The following TMEM131L variants were observed in gnomAD, a reference collection of about 807,000 sequenced individuals.
TMEM131L encodes the protein transmembrane 131 like, also known as transmembrane protein 131-like.
In TMEM131L, 54 loss-of-function variants were observed where a neutral mutation model predicts 192.2. The ratio of observed to expected loss-of-function variants is 0.28; its 90% CI spans 0.23 to 0.35. The LOEUF is 0.35. Ranked by LOEUF, TMEM131L falls within the 10% of genes least tolerant of loss-of-function variation. The probability of loss-of-function intolerance (pLI) is 1.00; values close to 1 mark genes in which losing one functional copy is unlikely to be tolerated. For synonymous variants in TMEM131L, 701 were observed against 704.9 expected (o/e 0.99, Z 0.09); for missense variants, 1,888 against 1,972.9 (o/e 0.96, Z 0.82).
intron 2 of TMEM131L, among the ~76,000 whole-genome samples, chr4:153,469,749 A>G (rs1008567254): frequency 2.6e-5 from 4 of 152,104 alleles, no homozygotes; most frequent in African/African-American, 9.7e-5. Context: ...CAACATGGAC[A>G]AACTCTGTCT....
Position 153,621,693 on chromosome 4 carries a change from C to G in TMEM131L, c.3703C>G (p.Gln1235Glu). 1 of 1,614,012 alleles carries G rather than the reference C, an allele frequency of 6.2e-7. No individual in the cohort carries two copies. Among genetic ancestry groups the G allele is most frequent in the Non-Finnish European group, 8.5e-7 (1 of 1,180,000 alleles). ...GTGTGTCTTTTCCAGGCCTCCTGAA[C>G]AGAGTGATCTAAAGCTTGTGTGCAG... Reference protein sequence around the residue: ...GVAPVSRPPEQSDLKLVCSDF... With the variant: ...GVAPVSRPPEESDLKLVCSDF... The change falls in exon 28 of 35, where the codon CAG becomes GAG. Residue 1235 changes from glutamine to glutamate, a missense_variant. Physicochemically the swap from Gln to Glu is conservative, Grantham distance 29. Transcript: ENST00000409959.
chr4:153,607,422 G>A (rs1168664401), intron 25 of TMEM131L, among the ~76,000 whole-genome samples: 2 of 152,158 alleles, frequency 1.3e-5, no homozygotes, highest in Non-Finnish European at 2.9e-5. Context: ...TCTTTGAGCT[G>A]GACTCAACCT....
At chr4:153,624,564 T>G (rs1733697536) in intron 29 of TMEM131L, among the ~76,000 whole-genome samples, 1 of 152,250 alleles carries the variant, frequency 6.6e-6, no homozygotes, top group Non-Finnish European at 1.5e-5. Context: ...TATGGCACCT[T>G]GCATTTGTCA....
chr4:153,620,553 C>A lies in TMEM131L; in HGVS notation c.3568-203C>A, dbSNP rs74289501. On this transcript the variant is annotated intron_variant, in intron 26 of 34. Coordinates refer to ENST00000409959, the MANE Select transcript of TMEM131L (RefSeq NM_001131007.2). Reference sequence around the variant, plus strand: ...CTTAGGAATTTTATAGGCAACAATTCTTTTTTCTTCTTTTTCTGTGGAGCT... The same window carrying A: ...CTTAGGAATTTTATAGGCAACAATTATTTTTTCTTCTTTTTCTGTGGAGCT... 2.8e-3 allele frequency among the ~76,000 whole-genome samples: 420 copies of A among 152,262 alleles called. 11 individuals are homozygous for A. In the East Asian group the frequency reaches 0.048, roughly 17 times the overall value.
chr4:153,470,911 A>C, intron 2 of TMEM131L, among the ~76,000 whole-genome samples: 1 of 149,392 alleles, frequency 6.7e-6, no homozygotes, highest in Non-Finnish European at 1.5e-5. Context: ...GTCCTTCCTG[A>C]CTCCTGCCCT....
intron 32 of TMEM131L, among the ~76,000 whole-genome samples, chr4:153,633,925 C>G (rs1404286606): frequency 2.0e-5 from 3 of 152,214 alleles, no homozygotes; most frequent in African/African-American, 7.2e-5. Flanking sequence ...AGCCACGGCT[C>G]TCTATTCTGT....
At chr4:153,582,933 C>T (rs1156432969) in intron 9 of TMEM131L, among the ~76,000 whole-genome samples, 1 of 151,756 alleles carries the variant, frequency 6.6e-6, no homozygotes. Flanking sequence ...GAATTTTGCT[C>T]CTGGTAGTTC....
intron 31 of TMEM131L, among the ~76,000 whole-genome samples, chr4:153,629,406 G>T (rs1287696629): frequency 6.6e-6 from 1 of 152,154 alleles, no homozygotes; most frequent in Non-Finnish European, 1.5e-5. Flanking sequence ...GGGTATTACT[G>T]CAGATTTCCC....
chr4:153,512,815 T>A (rs1004446589), intron 3 of TMEM131L, among the ~76,000 whole-genome samples: 2 of 152,204 alleles, frequency 1.3e-5, no homozygotes, highest in Non-Finnish European at 2.9e-5. Context: ...GGTTTCACCA[T>A]GTTGGCCAAG....
At chr4:153,562,520 TAGAA>T (rs1302300232) in intron 7 of TMEM131L, among the ~76,000 whole-genome samples, 2 of 152,250 alleles carry the variant, frequency 1.3e-5, no homozygotes, top group Non-Finnish European at 2.9e-5. Context: ...CAACTGTTCT[TAGAA>T]AGGAATGTCT....
At position 153,555,750 on chromosome 4, in the gene TMEM131L, A is replaced by G; in HGVS notation, c.309-37A>G. ...TATGTATGGTAATATTTATAACCAC[A>G]CAATACATTGATTTTTCTCTTTGTT... On this transcript the variant is annotated intron_variant, in intron 4 of 34. Transcript: ENST00000409959. The surrounding 1 kb of genome is among the most constrained non-coding windows in gnomAD (Gnocchi z 4.1). 7 of 1,534,592 alleles carry G rather than the reference A, an allele frequency of 4.6e-6. No individual in the cohort carries two copies. Among genetic ancestry groups the G allele is most frequent in the Non-Finnish European group, 6.2e-6 (7 of 1,132,160 alleles).
intron 7 of TMEM131L, among the ~76,000 whole-genome samples, chr4:153,580,317 TAGTC>T (rs1409301388): frequency 5.3e-5 from 8 of 152,240 alleles, no homozygotes; most frequent in Admixed American, 3.9e-4. Flanking sequence ...TTAAAAATGA[TAGTC>T]AGTTGAATTT....
At chr4:153,593,695 T>C (rs13109887) in intron 18 of TMEM131L, 104 bp from the exon 19 acceptor site, 206,334 of 744,034 alleles carry the variant, frequency 0.28, 30,892 homozygotes, top group Non-Finnish European at 0.32. Context: ...TGTGTGCAAA[T>C]GTACTCACCT....
chr4:153,634,073 T>C, intron 32 of TMEM131L, 119 bp from the exon 33 acceptor site: 1 of 828,242 alleles, frequency 1.2e-6, no homozygotes, highest in African/African-American at 1.7e-5. Context: ...CATCTTTTAT[T>C]TTCCAAAATT....
At chr4:153,539,524 G>A (rs1037413330) in intron 3 of TMEM131L, among the ~76,000 whole-genome samples, 8 of 132,058 alleles carry the variant, frequency 6.1e-5, no homozygotes, top group African/African-American at 1.8e-4. Flanking sequence ...TTTTTGAGGA[G>A]AGAAGACTTA....
At chr4:153,591,657 C>T (rs2150841527) in intron 17 of TMEM131L, among the ~76,000 whole-genome samples, 1 of 152,246 alleles carries the variant, frequency 6.6e-6, no homozygotes, top group Middle Eastern at 3.4e-3. Flanking sequence ...GGACGTGCCT[C>T]CAGCAGACTT....
chr4:153,554,293 T>C (rs1188346336), intron 4 of TMEM131L: 1 of 152,214 alleles, frequency 6.6e-6, no homozygotes, highest in Non-Finnish European at 1.5e-5. Context: ...TTTAAAAAAA[T>C]GGTATTACTT....
intron 3 of TMEM131L, among the ~76,000 whole-genome samples, chr4:153,521,519 A>G (rs771326171): frequency 6.6e-6 from 1 of 152,236 alleles, no homozygotes; most frequent in Non-Finnish European, 1.5e-5. Context: ...AAATTGGGGT[A>G]CAATAGACGT....
At chr4:153,491,711 T>C (rs1278544282) in intron 3 of TMEM131L, among the ~76,000 whole-genome samples, 2 of 152,110 alleles carry the variant, frequency 1.3e-5, no homozygotes, top group Non-Finnish European at 2.9e-5. Flanking sequence ...TTTTTTCTTT[T>C]CTTTTCTGTT....
Sources: allele counts gnomAD v4.1 joint callset (sites outside exome capture counted in the v4.1 genomes callset), GRCh38; gene constraint gnomAD v4.1.1; non-coding constraint Gnocchi (gnomAD v3.1); transcripts MANE v1.5; gene names NCBI Gene and HGNC (gene_info 2026-07-23, HGNC 2026-07-21).